The following NEGR1 variants were observed in gnomAD, a reference collection of about 807,000 sequenced individuals.
NEGR1 encodes the protein IgLON family member 4.
In NEGR1, 10 loss-of-function variants were observed where a neutral mutation model predicts 40.9. The observed-to-expected ratio is 0.24, with a 90% CI of 0.15 to 0.42. The LOEUF (loss-of-function observed/expected upper bound fraction) is 0.42. Among genes scored for constraint, NEGR1 ranks in the 10% least tolerant of loss-of-function variants. The probability of loss-of-function intolerance (pLI) is 1.00; values close to 1 mark genes in which losing one functional copy is unlikely to be tolerated. For synonymous variants in NEGR1, 185 were observed against 166.8 expected, an observed-to-expected ratio of 1.11 and a Z score of -0.84; for missense variants, 352 against 438.9, an observed-to-expected ratio of 0.80 and a Z score of 1.77.
At chr1:71,510,501 C>T (rs1647065414) in intron 6 of NEGR1, among the ~76,000 whole-genome samples, 1 of 152,130 alleles carries the variant, frequency 6.6e-6, no homozygotes, top group African/African-American at 2.4e-5. Context: ...CCACATGGCT[C>T]ATGCAGCTTG....
intron 1 of NEGR1, among the ~76,000 whole-genome samples, chr1:72,254,473 C>T (rs1228236400): frequency 1.3e-5 from 2 of 151,992 alleles, no homozygotes; most frequent in Admixed American, 6.6e-5. Context: ...GAGGCCGAGG[C>T]GGGCGGATCA....
intron 2 of NEGR1, among the ~76,000 whole-genome samples, chr1:71,853,279 TA>T (rs1291291404): frequency 1.1e-4 from 17 of 152,090 alleles, no homozygotes; most frequent in Non-Finnish European, 1.5e-5. Context: ...TTGCTACAAT[TA>T]AAAGGTAATA....
intron 1 of NEGR1, among the ~76,000 whole-genome samples, chr1:72,106,183 A>G (rs1169919935): frequency 6.6e-6 from 1 of 152,136 alleles, no homozygotes. Flanking sequence ...AGAGTCAAAA[A>G]GACTCATTAC....
chr1:71,594,861 C>T (rs1462326130), intron 5 of NEGR1, among the ~76,000 whole-genome samples: 2 of 152,194 alleles, frequency 1.3e-5, no homozygotes, highest in Non-Finnish European at 2.9e-5. Context: ...ACACATTCTC[C>T]AGAGGACTCA....
intron 1 of NEGR1, among the ~76,000 whole-genome samples, chr1:72,257,919 C>T (rs556757049): frequency 6.6e-6 from 1 of 152,302 alleles, no homozygotes; most frequent in Non-Finnish European, 1.5e-5. Context: ...TGCATCTAAA[C>T]TTCTCTAACT....
chr1:71,746,046 C>G (rs1336055288), intron 3 of NEGR1, among the ~76,000 whole-genome samples: 1 of 152,158 alleles, frequency 6.6e-6, no homozygotes, highest in Non-Finnish European at 1.5e-5. Flanking sequence ...TTTCTACATG[C>G]CTGTCCATAT....
intron 1 of NEGR1, among the ~76,000 whole-genome samples, chr1:71,937,143 T>C (rs886160054): frequency 2.6e-5 from 4 of 152,110 alleles, no homozygotes; most frequent in African/African-American, 9.7e-5. Context: ...CATTGCAGAA[T>C]CTAATTTGCA....
chr1:72,110,696 C>T (rs1436563390), intron 1 of NEGR1, among the ~76,000 whole-genome samples: 1 of 151,402 alleles, frequency 6.6e-6, no homozygotes, highest in Admixed American at 6.6e-5. Flanking sequence ...TATTGTTTAA[C>T]CTCTGAACGA....
At chr1:72,057,915 C>T (rs1647126612) in intron 1 of NEGR1, among the ~76,000 whole-genome samples, 1 of 151,508 alleles carries the variant, frequency 6.6e-6, no homozygotes, top group Non-Finnish European at 1.5e-5. Flanking sequence ...ACTTTAATTA[C>T]TTCCTAAAAG....
intron 1 of NEGR1, among the ~76,000 whole-genome samples, chr1:72,053,404 C>A (rs1244142395): frequency 6.7e-6 from 1 of 150,092 alleles, no homozygotes; most frequent in African/African-American, 2.4e-5. Context: ...CTTTAAATTA[C>A]AAAAATATAC....
intron 2 of NEGR1, among the ~76,000 whole-genome samples, chr1:71,895,258 A>T (rs900428884): frequency 1.2e-4 from 19 of 152,184 alleles, no homozygotes; most frequent in Admixed American, 1.2e-3. Flanking sequence ...AGCTTTTCAA[A>T]TATTATCTCA....
intron 1 of NEGR1, among the ~76,000 whole-genome samples, chr1:72,191,434 A>G (rs1652817629): frequency 6.6e-6 from 1 of 151,818 alleles, no homozygotes; most frequent in Admixed American, 6.6e-5. Flanking sequence ...AGAATGAGAG[A>G]CAGACAGAGA....
intron 4 of NEGR1, among the ~76,000 whole-genome samples, chr1:71,640,767 C>A (rs1651323197): frequency 6.6e-6 from 1 of 151,994 alleles, no homozygotes. Flanking sequence ...TCTAACTACT[C>A]TAACTTGGAG....
intron 4 of NEGR1, among the ~76,000 whole-genome samples, chr1:71,655,783 G>T (rs144068087): frequency 6.6e-6 from 1 of 152,252 alleles, no homozygotes; most frequent in East Asian, 1.9e-4. Flanking sequence ...TTATGCAAAT[G>T]ATTGTCTCAT....
At chr1:71,938,134 G>GAA (rs139951660) in intron 1 of NEGR1, among the ~76,000 whole-genome samples, 4 of 150,654 alleles carry the variant, frequency 2.7e-5, no homozygotes, top group Non-Finnish European at 5.9e-5. Context: ...ATGACAATCA[G>GAA]AAAAAAAAAT....
At chr1:72,213,875 A>T (rs1030654370) in intron 1 of NEGR1, among the ~76,000 whole-genome samples, 1 of 152,088 alleles carries the variant, frequency 6.6e-6, no homozygotes, top group Non-Finnish European at 1.5e-5. Context: ...TGAGGCCAGC[A>T]TCATCCTGAT....
At chr1:71,707,935 A>G (rs2101639615) in intron 3 of NEGR1, among the ~76,000 whole-genome samples, 1 of 152,302 alleles carries the variant, frequency 6.6e-6, no homozygotes, top group South Asian at 2.1e-4. Context: ...CAAGAACCAC[A>G]GCATTACTGG....
chr1:71,459,872 C>T (rs1646701547), intron 6 of NEGR1, among the ~76,000 whole-genome samples: 1 of 152,158 alleles, frequency 6.6e-6, no homozygotes, highest in South Asian at 2.1e-4. Context: ...TCATAACTTC[C>T]TCAGAATCCT....
At chr1:71,674,077 A>C (rs1010783620) in intron 4 of NEGR1, among the ~76,000 whole-genome samples, 1 of 152,168 alleles carries the variant, frequency 6.6e-6, no homozygotes, top group African/African-American at 2.4e-5. Flanking sequence ...AGCTTTGAAA[A>C]TTGTATTTAT....
Sources: allele counts gnomAD v4.1 joint callset (sites outside exome capture counted in the v4.1 genomes callset), GRCh38; gene constraint gnomAD v4.1.1; transcripts MANE v1.5; gene names NCBI Gene and HGNC (gene_info 2026-07-23, HGNC 2026-07-21).